ADK: variants seen among roughly 807,000 people sequenced by gnomAD.
ADK encodes the protein N6,N6-dimethyladenosine kinase.
In ADK, 24 loss-of-function variants were observed where a neutral mutation model predicts 44.7. The observed-to-expected ratio is 0.54, with a 90% CI of 0.39 to 0.76. The LOEUF is 0.76. ADK is among the 30% of genes least tolerant of loss of function. ADK has a pLI of 0.00. For missense variants in ADK, 321 were observed against 425.1 expected (o/e 0.76, Z 2.15); for synonymous variants, 128 against 142.6 (o/e 0.90, Z 0.73).
At chr10:74,596,326 G>A (rs1452021796) in intron 8 of ADK, among the ~76,000 whole-genome samples, 3 of 152,074 alleles carry the variant, frequency 2.0e-5, no homozygotes, top group Non-Finnish European at 4.4e-5. Context: ...CTATAAAATG[G>A]CATATTGTAT....
chr10:74,631,233 CGTGTGTGT>C (rs142037822), intron 9 of ADK, among the ~76,000 whole-genome samples: 2 of 147,560 alleles, frequency 1.4e-5, no homozygotes. Context: ...AACCTGTGTG[CGTGTGTGT>C]GTGTGTGTAT....
At chr10:74,348,830 T>A (rs79499626) in intron 4 of ADK, among the ~76,000 whole-genome samples, 39 of 151,214 alleles carry the variant, frequency 2.6e-4, no homozygotes, top group African/African-American at 9.0e-4. Flanking sequence ...AATATCAACT[T>A]ATTGAAATAA....
chr10:74,186,308 C>T lies in ADK; in HGVS notation c.66-14456C>T, dbSNP rs1842765682. Among the ~76,000 whole-genome samples, 3 of 150,788 alleles carry T rather than the reference C, an allele frequency of 2.0e-5. No homozygotes were observed. In the South Asian group the frequency reaches 6.3e-4, roughly 32 times the overall value. On this transcript the variant is annotated intron_variant, in intron 1 of 10. Transcript: ENST00000539909. ...CCTTCTCCTTTCCTTTCCACAGGGT[C>T]TTACTTTGTCGCCCGGGCTTGAGTG...
chr10:74,441,097 T>C (rs577483040), intron 6 of ADK, among the ~76,000 whole-genome samples: 1 of 152,328 alleles, frequency 6.6e-6, no homozygotes, highest in East Asian at 1.9e-4. Context: ...GAACACCACC[T>C]TAGTTTTTAT....
chr10:74,225,192 C>G (rs1479998993), intron 3 of ADK, among the ~76,000 whole-genome samples: 1 of 152,212 alleles, frequency 6.6e-6, no homozygotes, highest in Non-Finnish European at 1.5e-5. Flanking sequence ...ATTCCCCTGC[C>G]TTAGCCTCCC....
chr10:74,348,524 C>T (rs1363941222), intron 4 of ADK, among the ~76,000 whole-genome samples: 3 of 152,032 alleles, frequency 2.0e-5, no homozygotes, highest in Non-Finnish European at 4.4e-5. Flanking sequence ...CAGAATGCCT[C>T]TTTGCCTCCA....
chr10:74,445,401 T>C (rs1421112881), intron 6 of ADK, among the ~76,000 whole-genome samples: 1 of 152,024 alleles, frequency 6.6e-6, no homozygotes. Flanking sequence ...TATTATATCA[T>C]TTTTATATAA....
chr10:74,620,671 G>C (rs74445235), intron 9 of ADK, among the ~76,000 whole-genome samples: 3,077 of 151,756 alleles, frequency 0.02, 39 homozygotes, highest in Non-Finnish European at 0.031. Flanking sequence ...AGTTCTGTTT[G>C]TTTCTTTTCT....
chr10:74,614,714 G>A (rs1048537492), intron 9 of ADK, among the ~76,000 whole-genome samples: 19 of 150,924 alleles, frequency 1.3e-4, no homozygotes, highest in African/African-American at 3.9e-4. Context: ...AAGATCCCCC[G>A]GGCTCACGTT....
At position 74,177,945 on chromosome 10, in the gene ADK, A is replaced by ATATTT. The variant is rs10693309; in HGVS notation, c.66-22818_66-22817insATTTT. ...TAATTATATATATATATATATATAT[A>ATATTT]TTTTTTTTTTTTTGAGACAGAGTTT... On this transcript the variant is annotated intron_variant, in intron 1 of 10. Coordinates refer to ENST00000539909, the MANE Select transcript of ADK (RefSeq NM_006721.4). Among the ~76,000 whole-genome samples, 974 of 108,918 alleles carry ATATTT rather than the reference A, an allele frequency of 8.9e-3. 19 individuals carry two copies. Among genetic ancestry groups the ATATTT allele is most frequent in the East Asian group, 0.067 (291 of 4,354 alleles). 71.5% of individuals were successfully genotyped at this position (108,918 alleles called of 152,430 possible).
At chr10:74,402,114 T>A (rs1426973267) in intron 6 of ADK, among the ~76,000 whole-genome samples, 4 of 152,232 alleles carry the variant, frequency 2.6e-5, no homozygotes, top group African/African-American at 9.6e-5. Flanking sequence ...GATCTGCTGT[T>A]ATTCTGATGG....
At chr10:74,520,675 C>A in intron 6 of ADK, among the ~76,000 whole-genome samples, 1 of 151,860 alleles carries the variant, frequency 6.6e-6, no homozygotes. Flanking sequence ...CACGTTTAGA[C>A]TACTCTGAAA....
chr10:74,198,525 A>G (rs1034833013), intron 1 of ADK, among the ~76,000 whole-genome samples: 2 of 152,240 alleles, frequency 1.3e-5, no homozygotes, highest in East Asian at 1.9e-4. Context: ...GATATTACTG[A>G]TAGTTGCCAA....
At chr10:74,432,994 C>G (rs1028959306) in intron 6 of ADK, among the ~76,000 whole-genome samples, 1 of 152,102 alleles carries the variant, frequency 6.6e-6, no homozygotes, top group Non-Finnish European at 1.5e-5. Context: ...AACTGGAAGG[C>G]TTTACTTTAC....
intron 3 of ADK, among the ~76,000 whole-genome samples, chr10:74,313,178 G>C (rs923300517): frequency 6.6e-6 from 1 of 151,938 alleles, no homozygotes; most frequent in Admixed American, 6.6e-5. Context: ...TTTAACATTT[G>C]AGATATTTAT....
intron 3 of ADK, among the ~76,000 whole-genome samples, chr10:74,314,229 G>A (rs1840543047): frequency 6.6e-6 from 1 of 152,048 alleles, no homozygotes; most frequent in African/African-American, 2.4e-5. Context: ...GTAACATTAA[G>A]TGAAATTTTG....
At chr10:74,595,307 A>G (rs541090291) in intron 8 of ADK, among the ~76,000 whole-genome samples, 25 of 148,974 alleles carry the variant, frequency 1.7e-4, no homozygotes, top group African/African-American at 6.2e-4. Context: ...GCTTTCTCTC[A>G]CACATTCTAA....
At chr10:74,337,790 C>G (rs1841456625) in intron 4 of ADK, among the ~76,000 whole-genome samples, 1 of 138,798 alleles carries the variant, frequency 7.2e-6, no homozygotes, top group Non-Finnish European at 1.5e-5. Context: ...GAGTCAGAGT[C>G]TTGCTCTTGT....
chr10:74,708,461 C>T lies in ADK; in HGVS notation c.*16C>T. 6.2e-7 allele frequency: 1 copy of T among 1,608,706 alleles called. No individual in the cohort carries two copies. The highest frequency in any genetic ancestry group is 8.5e-7 in the Non-Finnish European group (1 of 1,178,362). ...CTTCCACTGATGGAAGAGCTGAAAACACAAGCCCAGGAGTGCAGACACTGC... is the reference window on the plus strand; with the variant it reads ...CTTCCACTGATGGAAGAGCTGAAAATACAAGCCCAGGAGTGCAGACACTGC... On this transcript the variant is annotated 3_prime_UTR_variant, in exon 11 of 11. Transcript: ENST00000539909.
Sources: gnomAD v4.1 joint callset for allele counts (sites outside exome capture counted in the v4.1 genomes callset) on GRCh38, gnomAD v4.1.1 for gene constraint, MANE v1.5 for transcripts, NCBI Gene and HGNC (gene_info 2026-07-23, HGNC 2026-07-21) for gene names.